Variants in SLC10A2 observed in about 807,000 individuals in gnomAD.
SLC10A2 encodes the protein solute carrier family 10 member 2, also known as ileal sodium/bile acid cotransporter.
In SLC10A2, 34 loss-of-function variants were observed where a neutral mutation model predicts 27.1. The ratio of observed to expected loss-of-function variants is 1.26; its 90% confidence interval spans 0.96 to 1.67. The LOEUF (loss-of-function observed/expected upper bound fraction) is 1.67, where lower values mean the gene tolerates loss of function less well. SLC10A2 is among the 40% of genes most tolerant of loss of function. SLC10A2 has a pLI of 0.00. For synonymous variants in SLC10A2, 205 were observed against 174.0 expected, an observed-to-expected ratio of 1.18 and a Z score of -1.40; for missense variants, 530 against 444.4, an observed-to-expected ratio of 1.19 and a Z score of -1.73.
rs755309203 is a variant in SLC10A2 at position 103,066,039 on chromosome 13, C to T, written c.211G>A (p.Gly71Ser). 6.2e-6 allele frequency: 10 copies of T among 1,613,842 alleles called. No homozygotes were observed. The East Asian group carries it at 1.6e-4, about 25-fold the overall frequency. Residue 71 changes from glycine to serine, a missense_variant, in exon 1 of 6, where the codon GGC (glycine) becomes AGC (serine). Coordinates refer to ENST00000245312, the MANE Select transcript of SLC10A2 (RefSeq NM_000452.3). ...HIKRPWGICV[G>S]FLCQFGIMPL... ...ATGATTCCAAACTGACAGAGGAAGC[C>T]AACACAAATGCCCCACGGCCGCTTT...
At chr13:103,055,936 C>T (rs1180289881) in intron 2 of SLC10A2, among the ~76,000 whole-genome samples, 1 of 152,300 alleles carries the variant, frequency 6.6e-6, no homozygotes, top group African/African-American at 2.4e-5. Context: ...TTTCTAAGTC[C>T]TTTCACAAGC....
At chr13:103,058,210 G>A in intron 2 of SLC10A2, 54 bp downstream of exon 2, 1 of 1,037,610 alleles carries the variant, frequency 9.6e-7, no homozygotes, top group Middle Eastern at 2.0e-4. Context: ...CTAGCAGGGG[G>A]TAAGCAGAGA....
chr13:103,052,492 G>A, intron 3 of SLC10A2, 128 bp downstream of exon 3: 1 of 742,648 alleles, frequency 1.3e-6, no homozygotes, highest in Non-Finnish European at 2.5e-6. Flanking sequence ...AAGACTGCAT[G>A]GCTAATGACT....
Position 103,046,261 on chromosome 13 carries a change from C to A in SLC10A2, c.920-1G>T, listed in dbSNP as rs760757479. 1.9e-6 allele frequency: 3 copies of A among 1,610,596 alleles called. No homozygotes were observed. The highest frequency in any genetic ancestry group is 2.5e-6 in the Non-Finnish European group (3 of 1,177,378). ...TGACATTTCTTGTATGCCACATAAA[C>A]TAGAAAACAATACACAGACAGTTAA... On this transcript the variant is annotated splice_acceptor_variant, in intron 5 of 5. Coordinates refer to ENST00000245312, the MANE Select transcript of SLC10A2 (RefSeq NM_000452.3). LOFTEE classifies it high-confidence loss of function.
chr13:103,058,534 T>G (rs532766988), intron 1 of SLC10A2, 152 bp from the exon 2 acceptor site: 11 of 667,692 alleles, frequency 1.6e-5, no homozygotes, highest in Non-Finnish European at 2.4e-5. Flanking sequence ...GGGGGTTTGT[T>G]GTACAGATTA....
intron 3 of SLC10A2, 126 bp downstream of exon 3, chr13:103,052,494 C>T: frequency 1.3e-6 from 1 of 748,478 alleles, no homozygotes; most frequent in Non-Finnish European, 2.5e-6. Flanking sequence ...GACTGCATGG[C>T]TAATGACTTC....
In SLC10A2 at chr13:103,051,416, C is replaced by A. The variant is rs1219534887; in HGVS notation, c.602G>T (p.Gly201Val). The A allele has an allele frequency of 6.2e-7, 1 of 1,613,966 alleles. No individual in the cohort carries two copies. Among genetic ancestry groups the A allele is most frequent in the Admixed American group, 1.7e-5 (1 of 60,004 alleles). The change falls in exon 4 of 6, where the codon GGC becomes GTC. Residue 201 changes from glycine to valine, a missense_variant. Transcript: ENST00000245312. ...AGCTATGAGCACAATGAGGATGGCG[C>A]CCGCGATGGACCCAATCTGAAAAAA... is the stretch of plus-strand genomic sequence containing the variant. Reference protein sequence around the residue: ...KIILKIGSIAGAILIVLIAVV... With the variant: ...KIILKIGSIAVAILIVLIAVV...
intron 5 of SLC10A2, 25 bp downstream of exon 5, chr13:103,049,264 A>C: frequency 6.2e-7 from 1 of 1,612,164 alleles, no homozygotes; most frequent in Non-Finnish European, 8.5e-7. Flanking sequence ...GATTATCATG[A>C]AATGGGATTG....
chr13:103,060,740 G>A (rs1256386182), intron 1 of SLC10A2, among the ~76,000 whole-genome samples: 19 of 152,022 alleles, frequency 1.2e-4, no homozygotes, highest in Admixed American at 1.2e-3. Context: ...AATAGAATCG[G>A]GAAACTTAGA....
At chr13:103,058,444 A>G in intron 1 of SLC10A2, 62 bp from the exon 2 acceptor site, 1 of 990,288 alleles carries the variant, frequency 1.0e-6, no homozygotes, top group Middle Eastern at 2.8e-4. Context: ...ATGCTGTTTT[A>G]TTTTTATTTT....
chr13:103,057,506 G>A (rs1447111952), intron 2 of SLC10A2, among the ~76,000 whole-genome samples: 1 of 152,200 alleles, frequency 6.6e-6, no homozygotes, highest in African/African-American at 2.4e-5. Context: ...TAGAAACAGT[G>A]TGTTTCGTCT....
chr13:103,054,460 G>A (rs1875881802), intron 2 of SLC10A2, among the ~76,000 whole-genome samples: 1 of 152,198 alleles, frequency 6.6e-6, no homozygotes. Context: ...GAAGTTTGTA[G>A]GTCTTAAAAC....
intron 2 of SLC10A2, among the ~76,000 whole-genome samples, chr13:103,056,854 G>C (rs887134244): frequency 3.3e-5 from 5 of 151,860 alleles, no homozygotes; most frequent in Admixed American, 1.3e-4. Context: ...TTTTTTTTTG[G>C]TCTAATGGTA....
chr13:103,059,728 C>G (rs896162854), intron 1 of SLC10A2, among the ~76,000 whole-genome samples: 6 of 152,130 alleles, frequency 3.9e-5, no homozygotes, highest in Non-Finnish European at 8.8e-5. Context: ...CTGACACCAC[C>G]AAGGCTGCAT....
In SLC10A2 at chr13:103,044,266, C is replaced by A. The variant is rs1463546234; in HGVS notation, c.*1867G>T. On this transcript the variant is annotated 3_prime_UTR_variant, in exon 6 of 6. Transcript: ENST00000245312. ...ACAGGGAGGAAAAACCTGCTTGCTGCAGCTGCTGGCATCCAGGCCCTTGAT... is the reference window on the plus strand; with the variant it reads ...ACAGGGAGGAAAAACCTGCTTGCTGAAGCTGCTGGCATCCAGGCCCTTGAT... 6.6e-6 allele frequency: 1 copy of A among 152,234 alleles called. No individual in the cohort carries two copies. Among genetic ancestry groups the A allele is most frequent in the East Asian group, 1.9e-4 (1 of 5,188 alleles). The allele number at this position is 152,234 out of a possible 1,614,324, so 9.4% of individuals were successfully genotyped here.
chr13:103,059,366 A>T (rs279919), intron 1 of SLC10A2, among the ~76,000 whole-genome samples: 1 of 152,118 alleles, frequency 6.6e-6, no homozygotes, highest in Non-Finnish European at 1.5e-5. Context: ...AGGAAACTAT[A>T]AGCAGAGTAG....
intron 1 of SLC10A2, among the ~76,000 whole-genome samples, chr13:103,059,525 C>T (rs1876039781): frequency 6.6e-6 from 1 of 152,160 alleles, no homozygotes; most frequent in South Asian, 2.1e-4. Context: ...CAGGGCCTGG[C>T]CTTGAGCAAA....
chr13:103,048,556 G>C (rs1016315713), intron 5 of SLC10A2, among the ~76,000 whole-genome samples: 15 of 152,010 alleles, frequency 9.9e-5, no homozygotes, highest in African/African-American at 3.4e-4. Flanking sequence ...ACAATGTCAT[G>C]AGGCTTTAAA....
chr13:103,057,646 A>G (rs879849537), intron 2 of SLC10A2, among the ~76,000 whole-genome samples: 3 of 152,130 alleles, frequency 2.0e-5, no homozygotes, highest in Non-Finnish European at 4.4e-5. Flanking sequence ...TGGGAGGCTG[A>G]GGCCGGCAGA....
Sources: allele counts gnomAD v4.1 joint callset (sites outside exome capture counted in the v4.1 genomes callset), GRCh38; gene constraint gnomAD v4.1.1; transcripts MANE v1.5; gene names NCBI Gene and HGNC (gene_info 2026-07-23, HGNC 2026-07-21).